Variants in MED12L observed in about 807,000 individuals in gnomAD.
MED12L encodes mediator complex subunit 12L.
Under a neutral mutation model 281.3 loss-of-function variants are expected in MED12L, and 60 were observed. The observed-to-expected ratio is 0.21, with a 90% CI of 0.17 to 0.26. The LOEUF is 0.26. Among genes scored for constraint, MED12L ranks in the 10% least tolerant of loss-of-function variants. The pLI is 1.00. For missense variants in MED12L, 2,146 were observed against 2,680.9 expected (o/e 0.80, Z 4.41); for synonymous variants, 974 against 987.2 (o/e 0.99, Z 0.25).
chr3:151,244,827 G>T (rs1735019271), intron 16 of MED12L, among the ~76,000 whole-genome samples: 1 of 152,098 alleles, frequency 6.6e-6, no homozygotes, highest in African/African-American at 2.4e-5. Flanking sequence ...ATGAATCCAG[G>T]AGCTGGTTTT....
At chr3:151,170,524 TCA>T (rs1721301500) in intron 11 of MED12L, among the ~76,000 whole-genome samples, 1 of 152,100 alleles carries the variant, frequency 6.6e-6, no homozygotes, top group Non-Finnish European at 1.5e-5. Context: ...TCCACCCACC[TCA>T]GCCTCCCAAA....
intron 11 of MED12L, among the ~76,000 whole-genome samples, chr3:151,172,518 G>T (rs1443952701): frequency 1.3e-5 from 2 of 152,220 alleles, no homozygotes; most frequent in Non-Finnish European, 2.9e-5. Flanking sequence ...GCACAGCCAG[G>T]ATCTTTTGGG....
intron 22 of MED12L, 107 bp downstream of exon 22, chr3:151,365,313 A>G: frequency 2.2e-6 from 2 of 902,922 alleles, no homozygotes; most frequent in Non-Finnish European, 1.7e-6. Flanking sequence ...TTTGGCTATC[A>G]TTTGCTTTTT....
At chr3:151,299,225 A>G (rs955643123) in intron 16 of MED12L, among the ~76,000 whole-genome samples, 3 of 152,196 alleles carry the variant, frequency 2.0e-5, no homozygotes, top group African/African-American at 7.2e-5. Flanking sequence ...AAGTCTCAAC[A>G]TATGTCACTG....
chr3:151,309,483 C>A (rs1747193797), intron 16 of MED12L, among the ~76,000 whole-genome samples: 1 of 152,136 alleles, frequency 6.6e-6, no homozygotes, highest in African/African-American at 2.4e-5. Flanking sequence ...CCTGACCTGA[C>A]CTGTATACCT....
At chr3:151,315,699 T>C (rs1430521094) in intron 16 of MED12L, among the ~76,000 whole-genome samples, 2 of 152,108 alleles carry the variant, frequency 1.3e-5, no homozygotes, top group Non-Finnish European at 2.9e-5. Flanking sequence ...CTGGCTTTTT[T>C]CCCCCCAGTA....
chr3:151,195,131 C>T (rs1041864863), intron 16 of MED12L, among the ~76,000 whole-genome samples: 3 of 152,168 alleles, frequency 2.0e-5, no homozygotes, highest in African/African-American at 7.2e-5. Context: ...CCACTGCACT[C>T]CAGCCTGGGC....
At position 151,154,029 on chromosome 3, in the gene MED12L, T is replaced by A. The variant is rs1312167023; in HGVS notation, c.557-2132T>A. On this transcript the variant is annotated intron_variant, in intron 5 of 44. Transcript: ENST00000687756. ...GAGCTGAGTTGAAAATAGGCCCGTCTGGCCACTGTCCGCTCATTGGTCCGG... is the reference window on the plus strand; with the variant it reads ...GAGCTGAGTTGAAAATAGGCCCGTCAGGCCACTGTCCGCTCATTGGTCCGG... Among the ~76,000 whole-genome samples, 7 of 152,364 alleles carry A rather than the reference T, an allele frequency of 4.6e-5. No individual in the cohort carries two copies. In the South Asian group the frequency reaches 1.4e-3, roughly 32 times the overall value.
intron 11 of MED12L, among the ~76,000 whole-genome samples, chr3:151,170,585 A>C (rs1010143978): frequency 6.6e-6 from 1 of 152,056 alleles, no homozygotes; most frequent in Non-Finnish European, 1.5e-5. Flanking sequence ...GGAATGTGCT[A>C]ATTCTTTACT....
At chr3:151,248,435 T>C (rs994764757) in intron 16 of MED12L, among the ~76,000 whole-genome samples, 1 of 152,206 alleles carries the variant, frequency 6.6e-6, no homozygotes, top group African/African-American at 2.4e-5. Context: ...CCAAACTGTC[T>C]GGTTTTTGTT....
chr3:151,305,833 T>C (rs1746565432), intron 16 of MED12L, among the ~76,000 whole-genome samples: 1 of 152,124 alleles, frequency 6.6e-6, no homozygotes. Flanking sequence ...AGAGGTCTAG[T>C]TTTATTTGGC....
intron 16 of MED12L, among the ~76,000 whole-genome samples, chr3:151,194,227 A>G (rs1370924042): frequency 6.6e-6 from 1 of 152,124 alleles, no homozygotes; most frequent in Non-Finnish European, 1.5e-5. Context: ...TAGGCCTCTC[A>G]GAGTGCTGGG....
intron 16 of MED12L, among the ~76,000 whole-genome samples, chr3:151,288,526 C>T (rs890097821): frequency 6.6e-6 from 1 of 152,172 alleles, no homozygotes; most frequent in African/African-American, 2.4e-5. Flanking sequence ...TAAAAATTCA[C>T]ATAATTAAAT....
chr3:151,239,609 CAA>C (rs1559920930), intron 16 of MED12L, among the ~76,000 whole-genome samples: 2 of 152,140 alleles, frequency 1.3e-5, no homozygotes. Context: ...ATAACTGTCA[CAA>C]TTTTAATTTC....
chr3:151,434,484 ATTCTT>A lies in MED12L; in HGVS notation c.*1684_*1688del, dbSNP rs1719873075. ...AGACTTTGCCAAAACATTAAAAACT[ATTCTT>A]TTCACTAAATTAATAGTCTATCTGC... is the stretch of plus-strand genomic sequence containing the variant. On this transcript the variant is annotated 3_prime_UTR_variant, in exon 45 of 45. Transcript: ENST00000687756. 1 of 150,884 alleles carries A rather than the reference ATTCTT, an allele frequency of 6.6e-6. No individual in the cohort carries two copies. The highest frequency in any genetic ancestry group is 1.5e-5 in the Non-Finnish European group (1 of 67,842). The allele number at this position is 150,884 out of a possible 1,614,324, so 9.3% of individuals were successfully genotyped here.
At chr3:151,247,919 T>G (rs903481691) in intron 16 of MED12L, among the ~76,000 whole-genome samples, 1 of 149,358 alleles carries the variant, frequency 6.7e-6, no homozygotes, top group Non-Finnish European at 1.5e-5. Flanking sequence ...AGGGCTCCTT[T>G]TAAAAAGATT....
chr3:151,350,275 C>G, intron 17 of MED12L, 69 bp downstream of exon 17: 1 of 1,507,860 alleles, frequency 6.6e-7, no homozygotes, highest in Non-Finnish European at 9.1e-7. Flanking sequence ...CAGTCTTTAT[C>G]AAAGTGTTCT....
chr3:151,129,090 T>C (rs1223078628), intron 5 of MED12L, among the ~76,000 whole-genome samples: 3 of 152,228 alleles, frequency 2.0e-5, no homozygotes, highest in African/African-American at 7.2e-5. Flanking sequence ...TAATTCCTTA[T>C]GAAATGAAAA....
At chr3:151,271,874 A>G (rs1230293160) in intron 16 of MED12L, among the ~76,000 whole-genome samples, 1 of 152,244 alleles carries the variant, frequency 6.6e-6, no homozygotes, top group Non-Finnish European at 1.5e-5. Flanking sequence ...CCTAGAAAAG[A>G]GAATGATGAA....
Sources: gnomAD v4.1 joint callset for allele counts (sites outside exome capture counted in the v4.1 genomes callset) on GRCh38, gnomAD v4.1.1 for gene constraint, MANE v1.5 for transcripts, NCBI Gene and HGNC (gene_info 2026-07-23, HGNC 2026-07-21) for gene names.